KCNIP4: variants seen among roughly 807,000 people sequenced by gnomAD.
The protein encoded by KCNIP4 is potassium voltage-gated channel interacting protein 4.
In KCNIP4, 12 loss-of-function variants were observed where a neutral mutation model predicts 34.0. The ratio of observed to expected loss-of-function variants is 0.35; its 90% CI spans 0.23 to 0.57. KCNIP4 has a LOEUF of 0.57. Ranked by LOEUF, KCNIP4 falls within the 20% of genes least tolerant of loss-of-function variation. The pLI, the probability that KCNIP4 is intolerant of heterozygous loss-of-function variation, is 0.83. For missense variants in KCNIP4, 238 were observed against 311.7 expected, an observed-to-expected ratio of 0.76 and a Z score of 1.78; for synonymous variants, 124 against 102.2, an observed-to-expected ratio of 1.21 and a Z score of -1.29.
chr4:20,779,867 C>T (rs1486429355), intron 3 of KCNIP4, among the ~76,000 whole-genome samples: 1 of 152,094 alleles, frequency 6.6e-6, no homozygotes, highest in Non-Finnish European at 1.5e-5. Context: ...AAAGATTCTC[C>T]CCCAGAATTT....
rs61214526 is a variant in KCNIP4 at position 21,648,612 on chromosome 4, C to T, written c.61+299959G>A. ...CAGTCGTTTACATCAATTTCAAACA[C>T]GAAGGGCAGAGATTAGAGACACATT... On this transcript the variant is annotated intron_variant, in intron 1 of 8. Transcript: ENST00000382152. Among the ~76,000 whole-genome samples the T allele has an allele frequency of 4.1e-3, 627 of 152,128 alleles. 4 individuals carry two copies. The highest frequency in any genetic ancestry group is 0.014 in the African/African-American group (599 of 41,524).
At chr4:21,079,161 T>C (rs1186988333) in intron 1 of KCNIP4, among the ~76,000 whole-genome samples, 1 of 152,110 alleles carries the variant, frequency 6.6e-6, no homozygotes, top group Non-Finnish European at 1.5e-5. Context: ...GTATCCTTTA[T>C]AGAAAGGACT....
At chr4:21,657,223 T>C (rs1284381533) in intron 1 of KCNIP4, among the ~76,000 whole-genome samples, 2 of 152,190 alleles carry the variant, frequency 1.3e-5, no homozygotes, top group Non-Finnish European at 2.9e-5. Context: ...TTTATCAGTC[T>C]TTTTTTACTT....
intron 1 of KCNIP4, among the ~76,000 whole-genome samples, chr4:21,034,176 T>C (rs552305394): frequency 6.6e-6 from 1 of 152,296 alleles, no homozygotes; most frequent in African/African-American, 2.4e-5. Flanking sequence ...CATCTCATTA[T>C]TAGGATTCAG....
Position 21,496,952 on chromosome 4 carries a change from T to C in KCNIP4, c.61+451619A>G, listed in dbSNP as rs112660481. 5.8e-3 allele frequency among the ~76,000 whole-genome samples: 879 copies of C among 152,262 alleles called. 14 individuals carry two copies. Among genetic ancestry groups the C allele is most frequent in the African/African-American group, 0.02 (832 of 41,556 alleles). Reference sequence around the variant, plus strand: ...AACTGGTCCCTAGTGCCAAAAAAGTTGGGGACTGCTGGCTTACAGGATAAA... The same window carrying C: ...AACTGGTCCCTAGTGCCAAAAAAGTCGGGGACTGCTGGCTTACAGGATAAA... On this transcript the variant is annotated intron_variant, in intron 1 of 8. Transcript: ENST00000382152.
chr4:21,649,732 C>G (rs1354242237), intron 1 of KCNIP4, among the ~76,000 whole-genome samples: 1 of 152,164 alleles, frequency 6.6e-6, no homozygotes, highest in East Asian at 1.9e-4. Flanking sequence ...TAACTTGAAG[C>G]CTTGCAAAGT....
At chr4:21,304,138 A>C (rs1712157115) in intron 1 of KCNIP4, 1 of 493,270 alleles carries the variant, frequency 2.0e-6, no homozygotes, top group African/African-American at 2.1e-5. Flanking sequence ...GAGAGAGAGA[A>C]GGGAAAAGAG....
intron 1 of KCNIP4, among the ~76,000 whole-genome samples, chr4:21,139,302 A>C (rs959605805): frequency 2.0e-5 from 3 of 152,232 alleles, no homozygotes; most frequent in Admixed American, 1.3e-4. Flanking sequence ...TAAGACAAAA[A>C]TAGAAACGTA....
At chr4:20,844,646 A>C (rs554337396) in intron 3 of KCNIP4, among the ~76,000 whole-genome samples, 1 of 152,332 alleles carries the variant, frequency 6.6e-6, no homozygotes, top group African/African-American at 2.4e-5. Flanking sequence ...TTTCCCATGC[A>C]AAGTTTAAGG....
intron 1 of KCNIP4, among the ~76,000 whole-genome samples, chr4:21,737,997 C>A (rs1359077511): frequency 7.2e-5 from 11 of 151,858 alleles, no homozygotes; most frequent in Non-Finnish European, 1.5e-4. Context: ...CAGGCTGAAG[C>A]AGGAGAATCA....
chr4:21,392,465 T>C (rs554895003), intron 1 of KCNIP4, among the ~76,000 whole-genome samples: 6 of 152,308 alleles, frequency 3.9e-5, no homozygotes, highest in Admixed American at 3.3e-4. Context: ...TAGGAGTAAA[T>C]GTTAACAGGA....
chr4:21,291,923 GAAAGAAAGAAAGAAAA>G (rs1560260134), intron 1 of KCNIP4, among the ~76,000 whole-genome samples: 3 of 65,434 alleles, frequency 4.6e-5, no homozygotes, highest in East Asian at 3.8e-4. Flanking sequence ...AAGAAAGAAA[GAAAGAAAGAAAGAAAA>G]AAAAAGAAAA....
At chr4:21,915,171 T>C (rs1728561351) in intron 1 of KCNIP4, among the ~76,000 whole-genome samples, 1 of 152,138 alleles carries the variant, frequency 6.6e-6, no homozygotes, top group African/African-American at 2.4e-5. Flanking sequence ...AACATAAAGC[T>C]GCCACAGACA....
At chr4:20,917,308 A>G (rs1214279102) in intron 1 of KCNIP4, among the ~76,000 whole-genome samples, 4 of 151,758 alleles carry the variant, frequency 2.6e-5, no homozygotes, top group Non-Finnish European at 4.4e-5. Context: ...GATTACAGGC[A>G]TGAACCACCC....
At chr4:20,976,541 T>G (rs2149684840) in intron 1 of KCNIP4, among the ~76,000 whole-genome samples, 1 of 152,312 alleles carries the variant, frequency 6.6e-6, no homozygotes, top group Middle Eastern at 3.4e-3. Flanking sequence ...AAGTAACTTG[T>G]TCACAGTTAG....
chr4:21,323,661 T>C lies in KCNIP4; in HGVS notation c.62-440952A>G, dbSNP rs552911715. Among the ~76,000 whole-genome samples, 6 of 152,158 alleles carry C rather than the reference T, an allele frequency of 3.9e-5. No individual in the cohort carries two copies. In the East Asian group the frequency reaches 1.2e-3, roughly 29 times the overall value. ...GTACTACATTTCCTTTATCCATTTG[T>C]TTTTGATAGACACATAAGTAGCTTC... On this transcript the variant is annotated intron_variant, in intron 1 of 8. Coordinates refer to ENST00000382152, the MANE Select transcript of KCNIP4 (RefSeq NM_025221.6).
At chr4:21,865,928 C>CATATAT (rs10687424) in intron 1 of KCNIP4, among the ~76,000 whole-genome samples, 1 of 148,974 alleles carries the variant, frequency 6.7e-6, no homozygotes, top group Non-Finnish European at 1.5e-5. Flanking sequence ...TATGGTGTCT[C>CATATAT]ATATATATAT....
intron 1 of KCNIP4, among the ~76,000 whole-genome samples, chr4:21,672,775 G>T (rs56359452): frequency 0.012 from 1,802 of 152,262 alleles, 37 homozygotes; most frequent in African/African-American, 0.04. Context: ...AGGACTTTGC[G>T]AGTGGCTTAG....
At position 21,511,655 on chromosome 4, in the gene KCNIP4, C is replaced by T. The variant is rs1045770647; in HGVS notation, c.61+436916G>A. Among the ~76,000 whole-genome samples the T allele has an allele frequency of 3.3e-5, 5 of 152,090 alleles. No individual in the cohort carries two copies. The East Asian group carries it at 7.7e-4, about 24-fold the overall frequency. Reference sequence around the variant, plus strand: ...ATAACGCTCCTTGTAAGTAGGACAACGGGAGCTCATGACATCCACAGTTGT... The same window carrying T: ...ATAACGCTCCTTGTAAGTAGGACAATGGGAGCTCATGACATCCACAGTTGT... On this transcript the variant is annotated intron_variant, in intron 1 of 8. Transcript: ENST00000382152.
Sources: gnomAD v4.1 joint callset for allele counts (sites outside exome capture counted in the v4.1 genomes callset) on GRCh38, gnomAD v4.1.1 for gene constraint, MANE v1.5 for transcripts, NCBI Gene and HGNC (gene_info 2026-07-23, HGNC 2026-07-21) for gene names.